ADCYAP1R1: variants seen among roughly 807,000 people sequenced by gnomAD.
ADCYAP1R1 encodes the protein pituitary adenylate cyclase-activating polypeptide type I receptor.
A neutral mutation model predicts 67.6 loss-of-function variants in ADCYAP1R1; 44 were observed. The ratio of observed to expected loss-of-function variants is 0.65; its 90% CI spans 0.51 to 0.84. ADCYAP1R1 has a LOEUF of 0.84. Among genes scored for constraint, ADCYAP1R1 ranks in the 40% least tolerant of loss-of-function variants. The pLI is 0.00. For synonymous variants in ADCYAP1R1, 222 were observed against 219.6 expected, an observed-to-expected ratio of 1.01 and a Z score of -0.10; for missense variants, 477 against 587.9, an observed-to-expected ratio of 0.81 and a Z score of 1.95.
intron 3 of ADCYAP1R1, among the ~76,000 whole-genome samples, chr7:31,069,480 T>G (rs1282982749): frequency 4.6e-5 from 7 of 152,222 alleles, no homozygotes; most frequent in Admixed American, 4.6e-4. Context: ...GTGTCTTTTA[T>G]CTAGGTTTAA....
At chr7:31,094,736 C>G (rs1224170945) in intron 13 of ADCYAP1R1, among the ~76,000 whole-genome samples, 1 of 152,132 alleles carries the variant, frequency 6.6e-6, no homozygotes, top group Non-Finnish European at 1.5e-5. Flanking sequence ...GGACCAGGAG[C>G]CTTGAGTCTT....
intron 12 of ADCYAP1R1, among the ~76,000 whole-genome samples, chr7:31,089,952 A>G (rs774456358): frequency 1.2e-4 from 18 of 152,116 alleles, no homozygotes; most frequent in Non-Finnish European, 2.1e-4. Flanking sequence ...TCTTAGGTAC[A>G]CGTGTGTGTG....
chr7:31,078,809 G>A (rs1795393586), intron 4 of ADCYAP1R1, among the ~76,000 whole-genome samples: 1 of 152,230 alleles, frequency 6.6e-6, no homozygotes, highest in Non-Finnish European at 1.5e-5. Flanking sequence ...GCCACACACG[G>A]GGAGCAGTGC....
At chr7:31,094,017 C>A (rs1796079584) in intron 13 of ADCYAP1R1, among the ~76,000 whole-genome samples, 1 of 152,068 alleles carries the variant, frequency 6.6e-6, no homozygotes, top group Non-Finnish European at 1.5e-5. Flanking sequence ...CTGGGGAACT[C>A]CCCATGTGGA....
chr7:31,106,361 G>T (rs1249521536), intron 15 of ADCYAP1R1, 135 bp from the exon 16 acceptor site: 5 of 1,096,894 alleles, frequency 4.6e-6, no homozygotes, highest in African/African-American at 1.6e-5. Flanking sequence ...CTTGAGGGCC[G>T]CAGGCTGCAA....
At chr7:31,106,285 G>A (rs1796641963) in intron 15 of ADCYAP1R1, among the ~76,000 whole-genome samples, 1 of 152,214 alleles carries the variant, frequency 6.6e-6, no homozygotes, top group South Asian at 2.1e-4. Flanking sequence ...GCAAGGGAAG[G>A]GGCTGTTCCG....
At chr7:31,077,384 G>T (rs905937128) in intron 3 of ADCYAP1R1, among the ~76,000 whole-genome samples, 1 of 149,560 alleles carries the variant, frequency 6.7e-6, no homozygotes, top group Non-Finnish European at 1.5e-5. Context: ...TGGTGTGAGT[G>T]GTGTGTATGT....
chr7:31,100,168 A>T (rs1405388648), intron 13 of ADCYAP1R1: 1 of 1,550,632 alleles, frequency 6.4e-7, no homozygotes, highest in East Asian at 2.4e-5. Flanking sequence ...CAGCGGGCTC[A>T]GCAGCACTCT....
At chr7:31,067,315 G>A (rs1169578084) in intron 3 of ADCYAP1R1, among the ~76,000 whole-genome samples, 1 of 152,164 alleles carries the variant, frequency 6.6e-6, no homozygotes, top group Non-Finnish European at 1.5e-5. Flanking sequence ...CAGAAGCAAA[G>A]GGCAGCCATT....
chr7:31,068,215 GCACA>G (rs1554300587), intron 3 of ADCYAP1R1, among the ~76,000 whole-genome samples: 14 of 150,000 alleles, frequency 9.3e-5, no homozygotes, highest in South Asian at 2.1e-4. Flanking sequence ...ATGTGCGCGC[GCACA>G]CACACACACA....
At chr7:31,104,747 C>T in intron 14 of ADCYAP1R1, 121 bp from the exon 15 acceptor site, 2 of 1,094,696 alleles carry the variant, frequency 1.8e-6, no homozygotes, top group Admixed American at 1.7e-5. Flanking sequence ...GATCCCTGGG[C>T]AGGTGCCCCC....
chr7:31,096,906 A>G (rs1432073376), intron 13 of ADCYAP1R1, among the ~76,000 whole-genome samples: 2 of 152,168 alleles, frequency 1.3e-5, no homozygotes. Flanking sequence ...GAAGACAGGG[A>G]TGCTGCCTGC....
At chr7:31,065,564 C>T (rs565289205) in intron 3 of ADCYAP1R1, among the ~76,000 whole-genome samples, 2 of 152,284 alleles carry the variant, frequency 1.3e-5, no homozygotes, top group South Asian at 2.1e-4. Flanking sequence ...AAATGCCTCC[C>T]AAGATTTCAA....
intron 1 of ADCYAP1R1, among the ~76,000 whole-genome samples, chr7:31,061,828 C>T (rs1480543970): frequency 1.3e-5 from 2 of 152,234 alleles, no homozygotes; most frequent in African/African-American, 2.4e-5. Context: ...GCAGCTCTGC[C>T]TGCTGGTGGG....
intron 3 of ADCYAP1R1, among the ~76,000 whole-genome samples, chr7:31,069,996 A>T (rs1213831892): frequency 6.6e-6 from 1 of 152,198 alleles, no homozygotes; most frequent in Non-Finnish European, 1.5e-5. Context: ...GCTCTGTCAT[A>T]TGATGCCCAC....
intron 15 of ADCYAP1R1, among the ~76,000 whole-genome samples, chr7:31,105,176 G>A (rs758147710): frequency 1.3e-5 from 2 of 152,254 alleles, no homozygotes; most frequent in Non-Finnish European, 2.9e-5. Flanking sequence ...CCTGGTAAAA[G>A]CGTCGGCTCT....
At chr7:31,057,578 G>A (rs894132632) in intron 1 of ADCYAP1R1, among the ~76,000 whole-genome samples, 2 of 152,144 alleles carry the variant, frequency 1.3e-5, no homozygotes, top group African/African-American at 4.8e-5. Flanking sequence ...ACCTTGTCAC[G>A]CCTGCCATTG....
intron 3 of ADCYAP1R1, among the ~76,000 whole-genome samples, chr7:31,077,023 G>A (rs533536705): frequency 2.6e-5 from 4 of 152,282 alleles, no homozygotes; most frequent in South Asian, 2.1e-4. Flanking sequence ...GGTGTGGGGC[G>A]GTGTAAAAAC....
At chr7:31,070,435 CTA>C (rs764849188) in intron 3 of ADCYAP1R1, among the ~76,000 whole-genome samples, 1 of 152,178 alleles carries the variant, frequency 6.6e-6, no homozygotes, top group African/African-American at 2.4e-5. Flanking sequence ...CTGCTCATTG[CTA>C]TTCTGACCTG....
Sources: gnomAD v4.1 joint callset for allele counts (sites outside exome capture counted in the v4.1 genomes callset) on GRCh38, gnomAD v4.1.1 for gene constraint, MANE v1.5 for transcripts, NCBI Gene and HGNC (gene_info 2026-07-23, HGNC 2026-07-21) for gene names.